The following TMEM175 variants were observed in gnomAD, a reference collection of about 807,000 sequenced individuals.
The protein encoded by TMEM175 is endosomal/lysosomal proton channel TMEM175.
In TMEM175, 36 loss-of-function variants were observed where a neutral mutation model predicts 36.5. The observed-to-expected ratio is 0.99, with a 90% CI of 0.76 to 1.30. The LOEUF is 1.30. Among genes scored for constraint, TMEM175 ranks in the 50% most tolerant of loss-of-function variants. TMEM175 has a pLI of 0.00. For missense variants in TMEM175, 705 were observed against 692.8 expected (o/e 1.02, Z -0.20); for synonymous variants, 339 against 313.4 (o/e 1.08, Z -0.86).
chr4:942,512 G>A (rs980815098), intron 1 of TMEM175, among the ~76,000 whole-genome samples: 2 of 151,998 alleles, frequency 1.3e-5, no homozygotes, highest in African/African-American at 4.8e-5. Context: ...ATATTCCATT[G>A]GTCTGTGTCT....
rs182500742 is a variant in TMEM175, at chr4:953,402, C to T, written c.627+48C>T. ...GGGCCCAGGCAGGAACGGGGGCCAC[C>T]ATAGGAGCAATGTCCCCGCTGAGCA... is the stretch of plus-strand genomic sequence containing the variant. On this transcript the variant is annotated intron_variant, in intron 8 of 10. Coordinates refer to ENST00000264771, the MANE Select transcript of TMEM175 (RefSeq NM_032326.4). 1.1e-4 allele frequency: 165 copies of T among 1,551,358 alleles called. 1 individual carries two copies. The African/African-American group carries it at 1.9e-3, about 18-fold the overall frequency.
intron 1 of TMEM175, among the ~76,000 whole-genome samples, chr4:946,446 G>A (rs1012178846): frequency 3.8e-4 from 58 of 152,008 alleles, no homozygotes; most frequent in African/African-American, 7.2e-4. Context: ...CTGCCCACTC[G>A]GGTGCAGGGT....
intron 4 of TMEM175, 63 bp from the exon 5 acceptor site, chr4:951,144 G>T: frequency 7.1e-7 from 1 of 1,404,700 alleles, no homozygotes; most frequent in Non-Finnish European, 1.0e-6. Context: ...TGGAAAGAGT[G>T]TGTGTGCATT....
chr4:957,563 T>C (rs1729854653), intron 10 of TMEM175, among the ~76,000 whole-genome samples: 1 of 152,258 alleles, frequency 6.6e-6, no homozygotes, highest in South Asian at 2.1e-4. Flanking sequence ...AGCAGCACTC[T>C]GGGCCAGCAG....
Position 956,442 on chromosome 4 carries a change from GGT to G in TMEM175, c.842+553_842+554del, listed in dbSNP as rs1577452256. On this transcript the variant is annotated intron_variant, in intron 10 of 10. Transcript: ENST00000264771. Reference sequence around the variant, plus strand: ...GTCGTCACGTTTTTGGTTTTTGTGGGGTTTTTTTTTTTTTTTTTTTGAGACAG... The same window carrying G: ...GTCGTCACGTTTTTGGTTTTTGTGGGTTTTTTTTTTTTTTTTTTGAGACAG... 21 of 1,270,338 alleles carry G rather than the reference GGT, an allele frequency of 1.7e-5. No individual in the cohort carries two copies. The Middle Eastern group carries it at 2.4e-3, about 147-fold the overall frequency. The allele number at this position is 1,270,338 out of a possible 1,614,324, so 78.7% of individuals were successfully genotyped here. A position where few individuals can be genotyped will look rare whatever the true frequency, so the allele number is the denominator to read the frequency against.
chr4:935,865 C>T (rs1170664764), intron 1 of TMEM175, among the ~76,000 whole-genome samples: 2 of 152,152 alleles, frequency 1.3e-5, no homozygotes, highest in Non-Finnish European at 2.9e-5. Context: ...GAATAACTCA[C>T]TTTTGTTTTT....
chr4:956,012 C>G, intron 10 of TMEM175, 122 bp downstream of exon 10: 1 of 1,293,040 alleles, frequency 7.7e-7, no homozygotes, highest in Non-Finnish European at 1.1e-6. Context: ...CTCTGGATGC[C>G]TAGAGTTTTG....
Position 948,094 on chromosome 4 carries a change from TTCTG to T in TMEM175, c.154-18_154-15del. 1.2e-6 allele frequency: 2 copies of T among 1,614,098 alleles called. No homozygotes were observed. The highest frequency in any genetic ancestry group is 1.6e-4 in the Middle Eastern group (1 of 6,062). On this transcript the variant is annotated intron_variant, in intron 2 of 10. Coordinates refer to ENST00000264771, the MANE Select transcript of TMEM175 (RefSeq NM_032326.4). The stretch of plus-strand genomic sequence containing the variant: ...AAGCGTCTCTTGCTCTCCTGCTTCC[TTCTG>T]TCTCTTTGCCCCCTCAGATCCTGCC...
chr4:957,199 G>T (rs1332160975), intron 10 of TMEM175, among the ~76,000 whole-genome samples: 2 of 148,068 alleles, frequency 1.4e-5, no homozygotes, highest in Non-Finnish European at 1.5e-5. Context: ...TCTGCGTATT[G>T]TTCTGGAGGA....
chr4:958,378 TG>T lies in TMEM175; in HGVS notation c.1400del (p.Gly467AlafsTer?). 1 of 1,602,546 alleles carries T rather than the reference TG, an allele frequency of 6.2e-7. No homozygotes were observed. Among genetic ancestry groups the T allele is most frequent in the Non-Finnish European group, 8.5e-7 (1 of 1,179,734 alleles). ...PCAFLLLRLL[V>X]GLALATLRVL... The stretch of plus-strand genomic sequence containing the variant: ...GCCTTCCTGTTGCTGCGCCTGCTCG[TG>T]GGCCTGGCCCTGGCCACCCTGCGGG... On this transcript the variant is annotated frameshift_variant, in exon 11 of 11. Transcript: ENST00000264771. LOFTEE classifies it low-confidence loss of function (END_TRUNC).
intron 1 of TMEM175, among the ~76,000 whole-genome samples, chr4:947,406 C>T (rs941347414): frequency 3.9e-5 from 6 of 152,210 alleles, no homozygotes; most frequent in Admixed American, 3.9e-4. Flanking sequence ...GCCTTGGGGT[C>T]TGTGATCTCT....
chr4:934,009 A>G (rs1577372200), intron 1 of TMEM175, among the ~76,000 whole-genome samples: 1 of 151,982 alleles, frequency 6.6e-6, no homozygotes, highest in East Asian at 1.9e-4. Context: ...AGTATAATTA[A>G]CCCCCTTTAT....
rs752959060 is a variant in TMEM175 at position 953,288 on chromosome 4, C to T, written c.561C>T (p.Gly187=). 2 of 1,614,112 alleles carry T rather than the reference C, an allele frequency of 1.2e-6. No individual in the cohort carries two copies. Among genetic ancestry groups the T allele is most frequent in the East Asian group, 2.2e-5 (1 of 44,874 alleles). ...HRALYRRHVL[G]IVLQGPALCF... ...CTCTGTACCGACGACACGTCCTGGGCATCGTCCTCCAAGGCCCGGCCCTGT... is the reference window on the plus strand; with the variant it reads ...CTCTGTACCGACGACACGTCCTGGGTATCGTCCTCCAAGGCCCGGCCCTGT... The change falls in exon 8 of 11, where the codon GGC becomes GGT. Residue 187 remains glycine (G), a synonymous_variant. Transcript: ENST00000264771.
chr4:942,153 G>A (rs762825336), intron 1 of TMEM175, among the ~76,000 whole-genome samples: 1 of 151,896 alleles, frequency 6.6e-6, no homozygotes, highest in Non-Finnish European at 1.5e-5. Context: ...CCGCCTCCCG[G>A]GTTCAAGCGA....
Position 957,845 on chromosome 4 carries a change from C to T in TMEM175, c.864C>T (p.Pro288=), listed in dbSNP as rs61732682. 1.8e-4 allele frequency: 286 copies of T among 1,611,270 alleles called. 2 individuals carry two copies. The African/African-American group carries it at 3.3e-3, about 19-fold the overall frequency. The change falls in exon 11 of 11, where the codon CCC becomes CCT. Residue 288 remains proline (P), a synonymous_variant. Transcript: ENST00000264771. ...LDICEDNVPD[P]KDVKERFSGS... ...TCAGCGAAGACAACGTCCCGGACCC[C>T]AAGGATGTGAAGGAGAGGTTCAGCG...
intron 6 of TMEM175, 64 bp downstream of exon 6, chr4:951,781 C>A (rs1320518210): frequency 6.4e-7 from 1 of 1,564,148 alleles, no homozygotes; most frequent in Non-Finnish European, 8.8e-7. Flanking sequence ...TTGACCTGTC[C>A]TCAAAAGCAG....
intron 3 of TMEM175, chr4:948,690 G>GT: frequency 8.3e-7 from 1 of 1,202,018 alleles, no homozygotes; most frequent in Non-Finnish European, 1.1e-6. Flanking sequence ...CAGCATCTTA[G>GT]AAGGGGAATG....
At chr4:950,329 C>A in intron 3 of TMEM175, 92 bp from the exon 4 acceptor site, 1 of 1,092,774 alleles carries the variant, frequency 9.2e-7, no homozygotes, top group Non-Finnish European at 1.4e-6. Flanking sequence ...TGCCCTGGGC[C>A]GAGGCCAGCC....
chr4:934,919 G>C (rs1187829615), intron 1 of TMEM175, among the ~76,000 whole-genome samples: 2 of 152,206 alleles, frequency 1.3e-5, no homozygotes, highest in Non-Finnish European at 2.9e-5. Context: ...GTATTTATTG[G>C]AATGAAGGTG....
Sources: allele counts gnomAD v4.1 joint callset (sites outside exome capture counted in the v4.1 genomes callset), GRCh38; gene constraint gnomAD v4.1.1; transcripts MANE v1.5; gene names NCBI Gene and HGNC (gene_info 2026-07-23, HGNC 2026-07-21).